Variants in MGAM observed in about 807,000 individuals in gnomAD.
The protein encoded by MGAM is maltase-glucoamylase.
A neutral mutation model predicts 358.8 loss-of-function variants in MGAM; 253 were observed. That is an observed-to-expected ratio of 0.71 (90% CI 0.64 to 0.78). The LOEUF is 0.78. MGAM is among the 30% of genes least tolerant of loss of function. MGAM has a pLI of 0.00. For missense variants in MGAM, 3,080 were observed against 3,432.6 expected, an observed-to-expected ratio of 0.90 and a Z score of 2.57; for synonymous variants, 1,105 against 1,227.1, an observed-to-expected ratio of 0.90 and a Z score of 2.08.
At chr7:142,003,553 AT>A (rs1350883581) in intron 1 of MGAM, among the ~76,000 whole-genome samples, 1 of 152,122 alleles carries the variant, frequency 6.6e-6, no homozygotes, top group Non-Finnish European at 1.5e-5. Context: ...TTAACTCAAG[AT>A]GGATTTAAGG....
chr7:142,041,939 T>C lies in MGAM; in HGVS notation c.2498+1093T>C, dbSNP rs1325643849. On this transcript the variant is annotated intron_variant, in intron 21 of 70. Coordinates refer to ENST00000475668, the MANE Select transcript of MGAM (RefSeq NM_001365693.1). ...TACGTATAATATATAATATATATAT[T>C]ATATATATACATATATATAATATAT... Among the ~76,000 whole-genome samples the C allele has an allele frequency of 3.1e-3, 55 of 17,998 alleles. 1 individual carries two copies. The highest frequency in any genetic ancestry group is 0.011 in the African/African-American group (46 of 4,324). The allele number at this position is 17,998 out of a possible 152,430, so 11.8% of individuals were successfully genotyped here.
At chr7:142,038,983 T>C (rs1808260186) in intron 19 of MGAM, among the ~76,000 whole-genome samples, 1 of 152,090 alleles carries the variant, frequency 6.6e-6, no homozygotes, top group Non-Finnish European at 1.5e-5. Context: ...ATGATGCTGG[T>C]ATCTGTGCAG....
Position 142,040,674 on chromosome 7 carries a change from G to A in MGAM, c.2374-48G>A, listed in dbSNP as rs771881222. On this transcript the variant is annotated intron_variant, in intron 20 of 70. Coordinates refer to ENST00000475668, the MANE Select transcript of MGAM (RefSeq NM_001365693.1). Reference sequence around the variant, plus strand: ...CCAGGCATGTAGATAATCAGTGAAGGGCAATATGCTGTCATGCCAATGTGT... The same window carrying A: ...CCAGGCATGTAGATAATCAGTGAAGAGCAATATGCTGTCATGCCAATGTGT... 8.7e-6 allele frequency: 14 copies of A among 1,603,392 alleles called. No homozygotes were observed. The South Asian group carries it at 1.2e-4, about 14-fold the overall frequency.
chr7:142,036,274 C>G lies in MGAM; in HGVS notation c.2065C>G (p.Gln689Glu), dbSNP rs1554465805. The G allele has an allele frequency of 1.9e-6, 3 of 1,603,072 alleles. No homozygotes were observed. Among genetic ancestry groups the G allele is most frequent in the African/African-American group, 1.3e-5 (1 of 74,884 alleles). Residue 689 changes from glutamine to glutamate, a missense_variant, in exon 17 of 71, where the codon CAA (glutamine) becomes GAA (glutamate). Around this residue, in one of 5 missense-constraint regions of MGAM, gnomAD observed 1,816 missense variants for 1,840.5 expected, o/e 0.99. Transcript: ENST00000475668. ...FYPFSRNHNG[Q>E]GYKDQDPASF... ...TCCGTTTTCTAGAAATCACAATGGC[C>G]AAGGCTACAAGGTAAGGCTCCTAGG...
chr7:141,999,146 G>A (rs1804526583), intron 1 of MGAM, among the ~76,000 whole-genome samples: 1 of 152,000 alleles, frequency 6.6e-6, no homozygotes, highest in Admixed American at 6.6e-5. Flanking sequence ...AGAATGCTTG[G>A]CACATTGTAG....
At chr7:142,088,077 G>GGGGGCTGGTTTTGAAGATTGGCAAGAAC (rs1814919797) in intron 57 of MGAM, among the ~76,000 whole-genome samples, 2 of 146,250 alleles carry the variant, frequency 1.4e-5, no homozygotes, top group Admixed American at 1.4e-4. Flanking sequence ...CACACAATCT[G>GGGGGCTGGTTTTGAAGATTGGCAAGAAC]GAGCCAGGGA....
chr7:142,048,559 T>G (rs1810640929), intron 22 of MGAM, among the ~76,000 whole-genome samples: 1 of 144,882 alleles, frequency 6.9e-6, no homozygotes, highest in South Asian at 2.3e-4. Context: ...CAAATGTTGA[T>G]GATATAGAAA....
chr7:142,078,493 T>C, intron 48 of MGAM, 23 bp downstream of exon 48: 1 of 1,525,582 alleles, frequency 6.6e-7, no homozygotes, highest in East Asian at 2.3e-5. Flanking sequence ...ATGGGGTTCA[T>C]GTGCATGAAA....
At position 142,030,643 on chromosome 7, in the gene MGAM, T is replaced by C. The variant is rs1563130290; in HGVS notation, c.1356T>C (p.Asp452=). ...CATTGTATTCTTCCTATTTTTAGGA[T>C]CCAGCCATCTCCAACAACTCTTCCT... ...NNGQKLVIIV[D]PAISNNSSSS... The change falls in exon 12 of 71, where the codon GAT becomes GAC. Residue 452 remains aspartate, a splice_region_variant and synonymous_variant. Coordinates refer to ENST00000475668, the MANE Select transcript of MGAM (RefSeq NM_001365693.1). The C allele has an allele frequency of 6.2e-7, 1 of 1,610,650 alleles. No individual in the cohort carries two copies. Among genetic ancestry groups the C allele is most frequent in the Admixed American group, 1.7e-5 (1 of 59,964 alleles).
intron 21 of MGAM, among the ~76,000 whole-genome samples, chr7:142,045,230 ATT>A (rs1809989072): frequency 2.5e-5 from 2 of 78,574 alleles, no homozygotes; most frequent in Admixed American, 1.6e-4. Context: ...TATAATATAT[ATT>A]ATATATCATA....
chr7:141,990,580 G>C (rs1376694102), intron 2 of MGAM, among the ~76,000 whole-genome samples: 1 of 152,094 alleles, frequency 6.6e-6, no homozygotes, highest in African/African-American at 2.4e-5. Flanking sequence ...TACTTTCCCA[G>C]AAGTGTCCCT....
chr7:142,086,085 T>C, intron 55 of MGAM, 124 bp downstream of exon 55: 11 of 1,454,622 alleles, frequency 7.6e-6, no homozygotes, highest in Non-Finnish European at 1.0e-5. Context: ...AAATGTGTAT[T>C]TCCCTGGACT....
At position 142,095,710 on chromosome 7, in the gene MGAM, A is replaced by T. The variant is rs758605204; in HGVS notation, c.7604A>T (p.His2535Leu). 2.5e-6 allele frequency: 4 copies of T among 1,613,922 alleles called. No homozygotes were observed. In the Admixed American group the frequency reaches 6.7e-5, roughly 27 times the overall value. The change falls in exon 64 of 71, where the codon CAT becomes CTT. Residue 2535 changes from histidine to leucine, a missense_variant. By Grantham distance (99) the His-to-Leu change is moderately conservative. Around this residue, in one of 5 missense-constraint regions of MGAM, gnomAD observed 932 missense variants for 1,198.2 expected, o/e 0.78. Coordinates refer to ENST00000475668, the MANE Select transcript of MGAM (RefSeq NM_001365693.1). ...GTCACTGTTGTGCGGCCTCTGCTCC[A>T]TGAGTGAGTGTCCAGCAGGGATCCC... ...EGVTVVRPLLHEFVSDQVTWD... is the reference protein window; with the variant it reads ...EGVTVVRPLLLEFVSDQVTWD...
intron 1 of MGAM, among the ~76,000 whole-genome samples, chr7:142,003,509 G>A (rs1450452869): frequency 6.6e-6 from 1 of 151,920 alleles, no homozygotes; most frequent in African/African-American, 2.4e-5. Flanking sequence ...GATGTCATAT[G>A]CAGAAGAATG....
At chr7:142,096,927 ATCTTTTT>A (rs1342498193) in intron 65 of MGAM, among the ~76,000 whole-genome samples, 1 of 61,510 alleles carries the variant, frequency 1.6e-5, no homozygotes, top group Non-Finnish European at 3.2e-5. Flanking sequence ...CCTTCCCAAA[ATCTTTTT>A]TTTTTTTTTT....
intron 21 of MGAM, among the ~76,000 whole-genome samples, chr7:142,041,143 A>G (rs113466876): frequency 3.3e-5 from 5 of 152,160 alleles, no homozygotes; most frequent in African/African-American, 1.2e-4. Flanking sequence ...TCAACTTCCT[A>G]TTTCTTTTCT....
intron 21 of MGAM, among the ~76,000 whole-genome samples, chr7:142,047,360 A>G (rs538320597): frequency 6.6e-6 from 1 of 152,308 alleles, no homozygotes; most frequent in South Asian, 2.1e-4. Context: ...CTGAGTATAA[A>G]TGGTCCTTAG....
intron 3 of MGAM, among the ~76,000 whole-genome samples, chr7:142,016,461 T>C (rs1320352473): frequency 6.6e-6 from 1 of 152,250 alleles, no homozygotes; most frequent in African/African-American, 2.4e-5. Flanking sequence ...ATATTTTGAG[T>C]CTTTATTATT....
At chr7:142,030,818 CTG>C (rs66639847) in intron 12 of MGAM, 61 bp downstream of exon 12, 286,882 of 759,530 alleles carry the variant, frequency 0.38, 37,010 homozygotes, top group East Asian at 0.62. Flanking sequence ...TTGAATGTGT[CTG>C]TGTGTGTGTG....
Sources: allele counts gnomAD v4.1 joint callset (sites outside exome capture counted in the v4.1 genomes callset), GRCh38; gene constraint gnomAD v4.1.1; regional missense constraint gnomAD v4.1.1; transcripts MANE v1.5; gene names NCBI Gene and HGNC (gene_info 2026-07-23, HGNC 2026-07-21).